POLR3D: variants seen among roughly 807,000 people sequenced by gnomAD.
POLR3D encodes RNA polymerase III subunit D.
POLR3D carries 42 observed loss-of-function variants against 44.5 expected under a neutral mutation model. That is an observed-to-expected ratio of 0.94 (90% confidence interval 0.74 to 1.22). POLR3D has a LOEUF of 1.22. POLR3D is among the 50% of genes most tolerant of loss of function. The pLI, the probability that POLR3D is intolerant of heterozygous loss-of-function variation, is 0.00. For missense variants in POLR3D, 507 were observed against 505.2 expected, an observed-to-expected ratio of 1.00 and a Z score of -0.03; for synonymous variants, 217 against 198.1, an observed-to-expected ratio of 1.10 and a Z score of -0.80.
At chr8:22,248,350 G>T in intron 5 of POLR3D, 72 bp downstream of exon 5, 1 of 1,586,156 alleles carries the variant, frequency 6.3e-7, no homozygotes, top group Non-Finnish European at 8.6e-7. Flanking sequence ...AGCCAGGTGA[G>T]GGGTAGAAGA....
chr8:22,246,025 G>A (rs1361302587), intron 2 of POLR3D, among the ~76,000 whole-genome samples: 2 of 152,186 alleles, frequency 1.3e-5, no homozygotes, highest in African/African-American at 2.4e-5. Flanking sequence ...TATGGCATTC[G>A]AGGCTCTGTG....
At position 22,248,485 on chromosome 8, in the gene POLR3D, T is replaced by G. The variant is rs1320574389; in HGVS notation, c.491T>G (p.Leu164Arg). The G allele has an allele frequency of 6.2e-7, 1 of 1,613,896 alleles. No homozygotes were observed. Residue 164 changes from leucine to arginine, a missense_variant, in exon 6 of 9, where the codon CTC (leucine) becomes CGC (arginine). Transcript: ENST00000306433. ...ILRMLEKDDFLDDPGLRNDTR... is the reference protein window; with the variant it reads ...ILRMLEKDDFRDDPGLRNDTR... ...GACCCAGACTCTCTTTGGCAGTTCC[T>G]CGATGACCCCGGCCTGAGGAACGAC...
chr8:22,247,237 A>G lies in POLR3D; in HGVS notation c.182A>G (p.Asn61Ser). The G allele has an allele frequency of 1.2e-6, 2 of 1,613,564 alleles. No individual in the cohort carries two copies. Among genetic ancestry groups the G allele is most frequent in the Non-Finnish European group, 1.7e-6 (2 of 1,179,536 alleles). ...TGCTTTCAGAAAACCTTCACCCCAA[A>G]TATCATCAGTCGGAAGATCAAGGAA... ...GGVKKKTFTP[N>S]IISRKIKEEP... Residue 61 changes from asparagine to serine, a missense_variant, in exon 3 of 9, where the codon AAT becomes AGT. Coordinates refer to ENST00000306433, the MANE Select transcript of POLR3D (RefSeq NM_001722.3).
Position 22,250,382 on chromosome 8 carries a change from C to T in POLR3D, c.1075-14C>T. On this transcript the variant is annotated splice_polypyrimidine_tract_variant and intron_variant, in intron 8 of 8. Transcript: ENST00000306433. ...GTGGTGGTGGTTCTCATCACTGTCT[C>T]TGTTAATTGGCAGGAGCTGGTGTCC... 6.2e-7 allele frequency: 1 copy of T among 1,614,152 alleles called. No homozygotes were observed. Among genetic ancestry groups the T allele is most frequent in the Non-Finnish European group, 8.5e-7 (1 of 1,180,010 alleles).
rs866110324 is a variant in POLR3D at position 22,251,608 on chromosome 8, A to C, written c.*1090A>C. On this transcript the variant is annotated 3_prime_UTR_variant, in exon 9 of 9. Coordinates refer to ENST00000306433, the MANE Select transcript of POLR3D (RefSeq NM_001722.3). ...ACACTTGGCCGATGATGCCCACTTCAAAAACTTTGGGTTTCAGAGGCCTGC... is the reference window on the plus strand; with the variant it reads ...ACACTTGGCCGATGATGCCCACTTCCAAAACTTTGGGTTTCAGAGGCCTGC... The C allele has an allele frequency of 3.6e-4, 55 of 153,498 alleles. No individual in the cohort carries two copies. The highest frequency in any genetic ancestry group is 1.3e-3 in the African/African-American group (53 of 41,456). The allele number at this position is 153,498 out of a possible 1,614,324, so 9.5% of individuals were successfully genotyped here.
At position 22,250,141 on chromosome 8, in the gene POLR3D, C is replaced by T. The variant is rs770578043; in HGVS notation, c.988C>T (p.Leu330Phe). ...GACAGAGGGTCAGGTTGGCAAGCTA[C>T]TCATCCGCAAGTCTGGAAGGGTGCA... ...DLTEGQVGKLLIRKSGRVQLL... is the reference protein window; with the variant it reads ...DLTEGQVGKLFIRKSGRVQLL... The change falls in exon 8 of 9, where the codon CTC (leucine) becomes TTC (phenylalanine). Residue 330 changes from leucine to phenylalanine, a missense_variant. Physicochemically the swap from Leu to Phe is conservative, Grantham distance 22. Transcript: ENST00000306433. 2 of 1,614,144 alleles carry T rather than the reference C, an allele frequency of 1.2e-6. No individual in the cohort carries two copies. Among genetic ancestry groups the T allele is most frequent in the East Asian group, 4.5e-5 (2 of 44,868 alleles).
At position 22,252,351 on chromosome 8, in the gene POLR3D, A is replaced by T. The variant is rs1161101682; in HGVS notation, c.*1833A>T. The T allele has an allele frequency of 6.5e-6, 1 of 153,356 alleles. No individual in the cohort carries two copies. The highest frequency in any genetic ancestry group is 1.5e-5 in the Non-Finnish European group (1 of 68,014). The allele number at this position is 153,356 out of a possible 1,614,324, so 9.5% of individuals were successfully genotyped here. ...GTCTCCATTCTCATCCTCTCTTTCT[A>T]TTCTGTTTCTTTGGTTCAGAAATAC... On this transcript the variant is annotated 3_prime_UTR_variant, in exon 9 of 9. Coordinates refer to ENST00000306433, the MANE Select transcript of POLR3D (RefSeq NM_001722.3).
intron 7 of POLR3D, among the ~76,000 whole-genome samples, chr8:22,249,705 C>T (rs574185272): frequency 1.4e-4 from 21 of 152,084 alleles, no homozygotes; most frequent in East Asian, 9.7e-4. Context: ...GCCTGTAGTC[C>T]CCGCTACTTG....
chr8:22,248,078 C>T, intron 4 of POLR3D, 70 bp downstream of exon 4: 1 of 1,606,660 alleles, frequency 6.2e-7, no homozygotes, highest in South Asian at 1.1e-5. Context: ...TGGAATTTCC[C>T]CACTCCCATT....
At chr8:22,248,767 C>A in intron 6 of POLR3D, 118 bp downstream of exon 6, 2 of 1,018,868 alleles carry the variant, frequency 2.0e-6, no homozygotes, top group Non-Finnish European at 2.9e-6. Flanking sequence ...CCTCCCATTC[C>A]GGCTGTAAGA....
intron 2 of POLR3D, among the ~76,000 whole-genome samples, 157 bp from the exon 3 acceptor site, chr8:22,247,064 C>T (rs1021165093): frequency 8.5e-5 from 13 of 152,204 alleles, no homozygotes; most frequent in African/African-American, 2.4e-4. Context: ...CCTTTTCAGG[C>T]ACATGTGTAT....
rs1333331337 is a variant in POLR3D at position 22,250,176 on chromosome 8, G to A, written c.1023G>A (p.Leu341=). Reference sequence around the variant, plus strand: ...AGTCTGGAAGGGTGCAACTCCTCTTGGGCAAGGTGACTCTGGACGTGACCA... The same window carrying A: ...AGTCTGGAAGGGTGCAACTCCTCTTAGGCAAGGTGACTCTGGACGTGACCA... ...IRKSGRVQLL[L]GKVTLDVTMG... Residue 341 remains leucine, a synonymous_variant, in exon 8 of 9, where the codon TTG becomes TTA. Coordinates refer to ENST00000306433, the MANE Select transcript of POLR3D (RefSeq NM_001722.3). 2.5e-6 allele frequency: 4 copies of A among 1,614,044 alleles called. No individual in the cohort carries two copies. Among genetic ancestry groups the A allele is most frequent in the South Asian group, 1.1e-5 (1 of 91,086 alleles).
At chr8:22,247,768 G>C in intron 3 of POLR3D, 89 bp from the exon 4 acceptor site, 2 of 1,250,920 alleles carry the variant, frequency 1.6e-6, no homozygotes, top group Non-Finnish European at 2.3e-6. Flanking sequence ...ACTCTCCACT[G>C]TTTTGGAGTG....
Position 22,250,145 on chromosome 8 carries a change from TC to T in POLR3D, c.994del (p.Arg332AlafsTer13). The T allele has an allele frequency of 6.2e-7, 1 of 1,614,098 alleles. No individual in the cohort carries two copies. The highest frequency in any genetic ancestry group is 8.5e-7 in the Non-Finnish European group (1 of 1,180,012). On this transcript the variant is annotated frameshift_variant, in exon 8 of 9. Transcript: ENST00000306433. LOFTEE classifies it high-confidence loss of function. ...LTEGQVGKLLIRKSGRVQLLL... is the reference protein window; with the variant it reads ...LTEGQVGKLLXRKSGRVQLLL... ...GAGGGTCAGGTTGGCAAGCTACTCA[TC>T]CGCAAGTCTGGAAGGGTGCAACTCC...
At chr8:22,245,847 A>C (rs1830035254) in intron 2 of POLR3D, among the ~76,000 whole-genome samples, 1 of 152,216 alleles carries the variant, frequency 6.6e-6, no homozygotes, top group African/African-American at 2.4e-5. Context: ...AATAAGTTAA[A>C]GTCGTTCAAA....
chr8:22,248,292 G>A lies in POLR3D; in HGVS notation c.486+14G>A. ...GAGAAGGACGATGTGGGTACCAGGA[G>A]GCTGGGGGAAGGGGTTTCCTTGTGG... is the stretch of plus-strand genomic sequence containing the variant. On this transcript the variant is annotated intron_variant, in intron 5 of 8. Transcript: ENST00000306433. 6.2e-7 allele frequency: 1 copy of A among 1,612,796 alleles called. No homozygotes were observed. The highest frequency in any genetic ancestry group is 8.5e-7 in the Non-Finnish European group (1 of 1,179,294).
rs777358916 is a variant in POLR3D, at chr8:22,250,133, G to T, written c.980G>T (p.Gly327Val). The change falls in exon 8 of 9, where the codon GGC becomes GTC. Residue 327 changes from glycine to valine, a missense_variant. Physicochemically the swap from Gly to Val is moderately radical, Grantham distance 109 (BLOSUM62 -3). Transcript: ENST00000306433. Reference protein sequence around the residue: ...TLADLTEGQVGKLLIRKSGRV... With the variant: ...TLADLTEGQVVKLLIRKSGRV... The stretch of plus-strand genomic sequence containing the variant: ...GCTGACCTGACAGAGGGTCAGGTTG[G>T]CAAGCTACTCATCCGCAAGTCTGGA... 4 of 1,614,152 alleles carry T rather than the reference G, an allele frequency of 2.5e-6. No individual in the cohort carries two copies. The Admixed American group carries it at 6.7e-5, about 27-fold the overall frequency.
Position 22,245,499 on chromosome 8 carries a change from G to C in POLR3D, c.50G>C (p.Arg17Pro), listed in dbSNP as rs763785352. The change falls in exon 2 of 9, where the codon CGA becomes CCA. Residue 17 changes from arginine (R) to proline (P), a missense_variant. Physicochemically the swap from Arg to Pro is moderately radical, Grantham distance 103. Transcript: ENST00000306433. ...AGEPSTPGGP[R>P]PLLTGARGLI... ...GAGCCCAGCACGCCGGGAGGGCCCC[G>C]ACCTCTCCTGACTGGGGCCCGGGGG... is the stretch of plus-strand genomic sequence containing the variant. The C allele has an allele frequency of 7.7e-7, 1 of 1,297,982 alleles. No homozygotes were observed. Among genetic ancestry groups the C allele is most frequent in the Non-Finnish European group, 9.8e-7 (1 of 1,015,586 alleles). 80.4% of individuals were successfully genotyped at this position (1,297,982 alleles called of 1,614,324 possible). A position where few individuals can be genotyped will look rare whatever the true frequency, so the allele number is the denominator to read the frequency against.
At chr8:22,245,372 G>C (rs1209078540) in intron 1 of POLR3D, 73 bp from the exon 2 acceptor site, 1 of 1,178,422 alleles carries the variant, frequency 8.5e-7, no homozygotes. Flanking sequence ...GGACCGGAAA[G>C]CAAGGGGGTG....
Sources: allele counts gnomAD v4.1 joint callset (sites outside exome capture counted in the v4.1 genomes callset), GRCh38; gene constraint gnomAD v4.1.1; transcripts MANE v1.5; gene names NCBI Gene and HGNC (gene_info 2026-07-23, HGNC 2026-07-21).